Variants in VPS37B observed in about 807,000 individuals in gnomAD.
VPS37B encodes vacuolar protein sorting-associated protein 37B.
A neutral mutation model predicts 21.2 loss-of-function variants in VPS37B; 11 were observed. That is an observed-to-expected ratio of 0.52 (90% CI 0.33 to 0.86). VPS37B has a LOEUF of 0.86. Among genes scored for constraint, VPS37B ranks in the 40% least tolerant of loss-of-function variants. The pLI, the probability that VPS37B is intolerant of heterozygous loss-of-function variation, is 0.03. For missense variants in VPS37B, 389 were observed against 374.8 expected, an observed-to-expected ratio of 1.04 and a Z score of -0.31; for synonymous variants, 175 against 159.6, an observed-to-expected ratio of 1.10 and a Z score of -0.73.
rs999646800 is a variant in VPS37B at position 122,871,672 on chromosome 12, G to A, written c.112-611C>T. On this transcript the variant is annotated intron_variant, in intron 1 of 3. Transcript: ENST00000267202. ...GTGAGCAAAGCCGACCAAAAGCTGG[G>A]GGAAGAGGGGGGACATATTTTGCCC... 28 of 985,554 alleles carry A rather than the reference G, an allele frequency of 2.8e-5. No homozygotes were observed. In the African/African-American group the frequency reaches 3.3e-4, roughly 12 times the overall value. 61.1% of individuals were successfully genotyped at this position (985,554 alleles called of 1,614,324 possible).
rs2034478850 is a variant in VPS37B at position 122,895,482 on chromosome 12, TCTCCCCGCTC to T, written c.111+460_111+469del. 2.1e-5 allele frequency among the ~76,000 whole-genome samples: 3 copies of T among 143,316 alleles called. No homozygotes were observed. In the South Asian group the frequency reaches 6.7e-4, roughly 32 times the overall value. The allele number at this position is 143,316 out of a possible 152,430, so 94.0% of individuals were successfully genotyped here. ...TCGCCTCCGACTCAGCCCTTATTACTCTCCCCGCTCCTCCGACCAAACCAATCTCAGATCC... is the reference window on the plus strand; with the variant it reads ...TCGCCTCCGACTCAGCCCTTATTACTCTCCGACCAAACCAATCTCAGATCC... On this transcript the variant is annotated intron_variant, in intron 1 of 3. Transcript: ENST00000267202.
intron 1 of VPS37B, chr12:122,885,078 C>T (rs923394052): frequency 2.6e-5 from 4 of 151,844 alleles, no homozygotes; most frequent in African/African-American, 7.3e-5. Flanking sequence ...TGAGAAAATG[C>T]TATTCTAATA....
At chr12:122,888,438 CTT>C (rs1444443673) in intron 1 of VPS37B, 1 of 406,994 alleles carries the variant, frequency 2.5e-6, no homozygotes, top group African/African-American at 2.0e-5. Flanking sequence ...AACGAGAACT[CTT>C]GTCTCAGCAT....
intron 1 of VPS37B, chr12:122,875,460 A>G (rs920153626): frequency 1.3e-5 from 2 of 152,090 alleles, no homozygotes; most frequent in Non-Finnish European, 1.5e-5. Context: ...GCCAGGATGC[A>G]TGTGCTGAAG....
chr12:122,880,596 A>T (rs954581162), intron 1 of VPS37B: 1 of 151,784 alleles, frequency 6.6e-6, no homozygotes, highest in Non-Finnish European at 1.5e-5. Flanking sequence ...TAAGGAAGGT[A>T]GAGGCAGGAG....
chr12:122,892,048 G>A (rs1394737221), intron 1 of VPS37B, among the ~76,000 whole-genome samples: 1 of 152,184 alleles, frequency 6.6e-6, no homozygotes, highest in East Asian at 1.9e-4. Context: ...AATCCCCTAA[G>A]CGACAGTTCC....
Position 122,867,568 on chromosome 12 carries a change from C to G in VPS37B, c.406G>C (p.Asp136His). Residue 136 changes from aspartate to histidine, a missense_variant, in exon 4 of 4, where the codon GAT (aspartate) becomes CAT (histidine). By Grantham distance (81) the Asp-to-His change is moderately conservative. Transcript: ENST00000267202. This position sits in a 1 kb window ranked among gnomAD's most constrained non-coding sequence, Gnocchi z 5.5. ...CTCTGATAGACATCAATGAAGGAAT[C>G]CAGAGGAAGTTCTCCATCCAGAAAC... ...EKFLDGELPL[D>H]SFIDVYQSKR... 6.2e-7 allele frequency: 1 copy of G among 1,613,828 alleles called. No homozygotes were observed. The highest frequency in any genetic ancestry group is 8.5e-7 in the Non-Finnish European group (1 of 1,180,024).
In VPS37B at chr12:122,867,460, C is replaced by A. The variant is rs1375189588; in HGVS notation, c.514G>T (p.Ala172Ser). The change falls in exon 4 of 4, where the codon GCC becomes TCC. Residue 172 changes from alanine (A) to serine (S), a missense_variant. Physicochemically the swap from Ala to Ser is moderately conservative, Grantham distance 99. Transcript: ENST00000267202. This position sits in a 1 kb window ranked among gnomAD's most constrained non-coding sequence, Gnocchi z 5.5. ...AGCCTGGGGGGCAGCGGGGCCAGGG[C>A]CTGTGGGAGTCTCTGCCCCTTTAGG... ...MVLKGQRLPQ[A>S]LAPLPPRLPE... 3 of 1,613,672 alleles carry A rather than the reference C, an allele frequency of 1.9e-6. No individual in the cohort carries two copies. Among genetic ancestry groups the A allele is most frequent in the Non-Finnish European group, 2.5e-6 (3 of 1,179,980 alleles).
At chr12:122,877,456 A>G (rs1165777298) in intron 1 of VPS37B, 1 of 152,220 alleles carries the variant, frequency 6.6e-6, no homozygotes. Context: ...ATCATGGCTC[A>G]CTGCAACCTT....
At chr12:122,883,349 G>GAA (rs943712673) in intron 1 of VPS37B, 30 of 152,194 alleles carry the variant, frequency 2.0e-4, no homozygotes, top group Non-Finnish European at 4.4e-5. Context: ...GCTAACCACA[G>GAA]AAACACAAAA....
At chr12:122,873,334 A>G (rs2034073906) in intron 1 of VPS37B, 1 of 152,190 alleles carries the variant, frequency 6.6e-6, no homozygotes, top group African/African-American at 2.4e-5. Flanking sequence ...TGTAAATACA[A>G]CCACCAACCA....
chr12:122,883,172 T>TC (rs775799798), intron 1 of VPS37B: 2 of 152,100 alleles, frequency 1.3e-5, no homozygotes, highest in Non-Finnish European at 2.9e-5. Context: ...ACCTCTAACT[T>TC]CCAACTATTA....
At chr12:122,892,996 G>A (rs1441875838) in intron 1 of VPS37B, among the ~76,000 whole-genome samples, 1 of 151,818 alleles carries the variant, frequency 6.6e-6, no homozygotes, top group Non-Finnish European at 1.5e-5. Context: ...AGGAGGCAGA[G>A]GTTGCAGTGC....
chr12:122,890,688 T>C (rs894320288), intron 1 of VPS37B, among the ~76,000 whole-genome samples: 7 of 152,174 alleles, frequency 4.6e-5, no homozygotes, highest in African/African-American at 1.7e-4. Flanking sequence ...AAATTTTCCA[T>C]CGTAATCATT....
At chr12:122,894,622 G>A (rs949318042) in intron 1 of VPS37B, among the ~76,000 whole-genome samples, 4 of 152,198 alleles carry the variant, frequency 2.6e-5, no homozygotes, top group Non-Finnish European at 4.4e-5. Flanking sequence ...AGGTGGGCCA[G>A]GAAGAGCTGG....
At position 122,867,416 on chromosome 12, in the gene VPS37B, G is replaced by C; in HGVS notation, c.558C>G (p.Thr186=). 1 of 1,608,654 alleles carries C rather than the reference G, an allele frequency of 6.2e-7. No homozygotes were observed. Among genetic ancestry groups the C allele is most frequent in the Admixed American group, 1.7e-5 (1 of 59,836 alleles). The change falls in exon 4 of 4, where the codon ACC becomes ACG. Residue 186 remains threonine, a synonymous_variant. Coordinates refer to ENST00000267202, the MANE Select transcript of VPS37B (RefSeq NM_024667.3). This position sits in a 1 kb window ranked among gnomAD's most constrained non-coding sequence, Gnocchi z 5.5. The part of the protein sequence containing the change: ...LPPRLPELAP[T]APLPYPAPEA... The stretch of plus-strand genomic sequence containing the variant: ...CTGGGGCAGGGTAGGGAAGGGGGGC[G>C]GTAGGTGCCAGTTCGGGCAGCCTGG...
In VPS37B at chr12:122,891,587, T is replaced by C. The variant is rs73406973; in HGVS notation, c.111+4365A>G. On this transcript the variant is annotated intron_variant, in intron 1 of 3. Coordinates refer to ENST00000267202, the MANE Select transcript of VPS37B (RefSeq NM_024667.3). ...AAGGTCCATGGAAAAGATTTAAACG[T>C]AAAAGTTGAAGCCTTTACACGTACA... 3.0e-3 allele frequency among the ~76,000 whole-genome samples: 454 copies of C among 152,314 alleles called. 2 individuals are homozygous for C. Among genetic ancestry groups the C allele is most frequent in the African/African-American group, 0.01 (435 of 41,566 alleles).
chr12:122,882,914 T>G (rs1236687392), intron 1 of VPS37B: 2 of 152,250 alleles, frequency 1.3e-5, no homozygotes, highest in Non-Finnish European at 2.9e-5. Flanking sequence ...GTGGCTTAAT[T>G]CAAATCTTCA....
At chr12:122,874,945 CTCAAAA>C in intron 1 of VPS37B, 1 of 61,122 alleles carries the variant, frequency 1.6e-5, no homozygotes, top group African/African-American at 7.0e-5. Flanking sequence ...GAAACTCCGT[CTCAAAA>C]AAAAAAAAAA....
Sources: gnomAD v4.1 joint callset for allele counts (sites outside exome capture counted in the v4.1 genomes callset) on GRCh38, gnomAD v4.1.1 for gene constraint, Gnocchi (gnomAD v3.1) non-coding constraint, MANE v1.5 for transcripts, NCBI Gene and HGNC (gene_info 2026-07-23, HGNC 2026-07-21) for gene names.